The following DGKI variants were observed in gnomAD, a reference collection of about 807,000 sequenced individuals.
DGKI encodes the protein diacylglycerol kinase iota, also known as DAG kinase iota.
A neutral mutation model predicts 147.5 loss-of-function variants in DGKI; 55 were observed. That is an observed-to-expected ratio of 0.37 (90% confidence interval 0.30 to 0.47). The LOEUF (loss-of-function observed/expected upper bound fraction) is 0.47. Among genes scored for constraint, DGKI ranks in the 20% least tolerant of loss-of-function variants. The probability of loss-of-function intolerance (pLI) is 1.00; values close to 1 mark genes in which losing one functional copy is unlikely to be tolerated. For synonymous variants in DGKI, 469 were observed against 477.1 expected (o/e 0.98, Z 0.22); for missense variants, 1,007 against 1,323.8 (o/e 0.76, Z 3.71).
intron 1 of DGKI, among the ~76,000 whole-genome samples, chr7:137,746,832 G>A (rs760050744): frequency 6.6e-5 from 10 of 151,912 alleles, no homozygotes; most frequent in East Asian, 1.9e-4. Context: ...CAGCCTTATC[G>A]TGTCCTGAAA....
At chr7:137,578,168 G>A in intron 16 of DGKI, 102 bp downstream of exon 16, 1 of 747,066 alleles carries the variant, frequency 1.3e-6, no homozygotes, top group South Asian at 1.7e-5. Context: ...ATATAAATGA[G>A]ATGTATATGT....
chr7:137,512,163 G>A (rs1816601430), intron 21 of DGKI, among the ~76,000 whole-genome samples: 1 of 152,134 alleles, frequency 6.6e-6, no homozygotes, highest in Admixed American at 6.6e-5. Flanking sequence ...TAAAGAAGTA[G>A]GCTGTATACT....
chr7:137,608,949 C>A lies in DGKI; in HGVS notation c.1167+17G>T. On this transcript the variant is annotated intron_variant, in intron 10 of 32. Transcript: ENST00000614521. ...TTATCAAAACTTCTAAGTTGAAAAT[C>A]ATGAAAAATTACTCACCTGGTTGCC... 1.3e-6 allele frequency: 2 copies of A among 1,581,414 alleles called. No homozygotes were observed. Among genetic ancestry groups the A allele is most frequent in the Non-Finnish European group, 1.7e-6 (2 of 1,150,846 alleles).
chr7:137,707,972 C>T (rs540734186), intron 1 of DGKI, among the ~76,000 whole-genome samples: 1 of 152,284 alleles, frequency 6.6e-6, no homozygotes, highest in South Asian at 2.1e-4. Context: ...TGTGAGGATA[C>T]TAACAAGACT....
intron 6 of DGKI, among the ~76,000 whole-genome samples, chr7:137,636,622 C>T (rs1278419408): frequency 6.6e-6 from 1 of 152,158 alleles, no homozygotes; most frequent in Non-Finnish European, 1.5e-5. Flanking sequence ...AGGAATTGCC[C>T]TGAGCCTAAA....
chr7:137,647,254 T>A (rs924099820), intron 5 of DGKI, among the ~76,000 whole-genome samples: 12 of 152,218 alleles, frequency 7.9e-5, no homozygotes, highest in African/African-American at 1.9e-4. Context: ...TCCTATGAGT[T>A]GTTGAAATAT....
At chr7:137,544,050 T>C (rs1413070091) in intron 20 of DGKI, among the ~76,000 whole-genome samples, 1 of 152,168 alleles carries the variant, frequency 6.6e-6, no homozygotes, top group African/African-American at 2.4e-5. Context: ...CAAATTAACA[T>C]TCAAGTTTTA....
At chr7:137,416,587 GTGA>G (rs1563005330) in intron 28 of DGKI, among the ~76,000 whole-genome samples, 2 of 152,150 alleles carry the variant, frequency 1.3e-5, no homozygotes, top group East Asian at 3.9e-4. Context: ...TATTCTCCTG[GTGA>G]TGAGAAGCTA....
chr7:137,573,651 C>T (rs1432673403), intron 17 of DGKI, among the ~76,000 whole-genome samples: 4 of 152,314 alleles, frequency 2.6e-5, no homozygotes, highest in Middle Eastern at 6.8e-3. Context: ...GTCATCCACC[C>T]GCCTTGGCCT....
At chr7:137,743,572 T>G (rs1404876922) in intron 1 of DGKI, among the ~76,000 whole-genome samples, 2 of 152,088 alleles carry the variant, frequency 1.3e-5, no homozygotes, top group African/African-American at 4.8e-5. Context: ...AATCAAAAAA[T>G]TATTTGAAAC....
chr7:137,812,708 G>A lies in DGKI; in HGVS notation c.401+33754C>T, dbSNP rs115385121. On this transcript the variant is annotated intron_variant, in intron 1 of 32. Transcript: ENST00000614521. ...TCTCTATTTTACAAAGAAGGATATT[G>A]AGGCCAAGAGATTTTAAATCACTTG... Among the ~76,000 whole-genome samples the A allele has an allele frequency of 3.1e-3, 477 of 152,234 alleles. 3 individuals carry two copies. The highest frequency in any genetic ancestry group is 0.011 in the African/African-American group (456 of 41,534).
intron 27 of DGKI, among the ~76,000 whole-genome samples, chr7:137,458,065 T>C (rs139194869): frequency 0.014 from 2,188 of 152,272 alleles, 19 homozygotes; most frequent in Non-Finnish European, 0.023. Context: ...GGGCAATAAT[T>C]ATTTCTTCTT....
At chr7:137,675,010 G>A (rs1822981157) in intron 3 of DGKI, among the ~76,000 whole-genome samples, 1 of 152,164 alleles carries the variant, frequency 6.6e-6, no homozygotes, top group Non-Finnish European at 1.5e-5. Flanking sequence ...TTTAGTCCCA[G>A]CCCCAACAGG....
chr7:137,527,806 A>C (rs1181278301), intron 20 of DGKI, among the ~76,000 whole-genome samples: 1 of 152,158 alleles, frequency 6.6e-6, no homozygotes, highest in African/African-American at 2.4e-5. Context: ...GAATTGCCTT[A>C]ACTTCTTTCA....
intron 5 of DGKI, among the ~76,000 whole-genome samples, chr7:137,645,810 A>G (rs1821804758): frequency 6.6e-6 from 1 of 152,252 alleles, no homozygotes; most frequent in South Asian, 2.1e-4. Context: ...CCATCATCTA[A>G]GCCCAGATGA....
At chr7:137,689,536 T>G (rs751564074) in intron 2 of DGKI, among the ~76,000 whole-genome samples, 1 of 152,202 alleles carries the variant, frequency 6.6e-6, no homozygotes, top group Non-Finnish European at 1.5e-5. Flanking sequence ...CAGCTCAAGC[T>G]GAGGAAATCA....
intron 2 of DGKI, among the ~76,000 whole-genome samples, chr7:137,681,149 C>T (rs1446747350): frequency 6.6e-6 from 1 of 152,216 alleles, no homozygotes; most frequent in African/African-American, 2.4e-5. Context: ...GCCTCAAAAC[C>T]ATTCCTAAAG....
chr7:137,466,893 A>G lies in DGKI; in HGVS notation c.2484+9T>C, dbSNP rs776555949. The G allele has an allele frequency of 6.2e-7, 1 of 1,614,164 alleles. No individual in the cohort carries two copies. Among genetic ancestry groups the G allele is most frequent in the South Asian group, 1.1e-5 (1 of 91,088 alleles). On this transcript the variant is annotated intron_variant, in intron 25 of 32. Coordinates refer to ENST00000614521, the MANE Select transcript of DGKI (RefSeq NM_001321708.2). Reference sequence around the variant, plus strand: ...TTCACTTTCACAAGCAGGCTGGAAAAAAACTTACCTGAGATCTGTCTATTC... The same window carrying G: ...TTCACTTTCACAAGCAGGCTGGAAAGAAACTTACCTGAGATCTGTCTATTC...
At chr7:137,558,539 A>T (rs1818304538) in intron 19 of DGKI, among the ~76,000 whole-genome samples, 1 of 151,868 alleles carries the variant, frequency 6.6e-6, no homozygotes, top group African/African-American at 2.4e-5. Flanking sequence ...TGGCCTCCCA[A>T]AGTGCTGGGA....
Sources: gnomAD v4.1 joint callset for allele counts (sites outside exome capture counted in the v4.1 genomes callset) on GRCh38, gnomAD v4.1.1 for gene constraint, MANE v1.5 for transcripts, NCBI Gene and HGNC (gene_info 2026-07-23, HGNC 2026-07-21) for gene names.